The following KIRREL3 variants were observed in gnomAD, a reference collection of about 807,000 sequenced individuals.
The protein encoded by KIRREL3 is kin of IRRE-like protein 3.
Under a neutral mutation model 89.7 loss-of-function variants are expected in KIRREL3, and 36 were observed. That is an observed-to-expected ratio of 0.40 (90% CI 0.31 to 0.53). The LOEUF is 0.53. Ranked by LOEUF, KIRREL3 falls within the 20% of genes least tolerant of loss-of-function variation. The probability of loss-of-function intolerance (pLI) is 0.49; values close to 1 mark genes in which losing one functional copy is unlikely to be tolerated. For missense variants in KIRREL3, 864 were observed against 1,056.6 expected (o/e 0.82, Z 2.53); for synonymous variants, 445 against 441.4 (o/e 1.01, Z -0.10).
At chr11:126,935,664 T>C (rs1231458927) in intron 1 of KIRREL3, 1 of 152,198 alleles carries the variant, frequency 6.6e-6, no homozygotes, top group Non-Finnish European at 1.5e-5. Context: ...AACTAGATGA[T>C]ATTCTGGAAA....
At position 126,431,047 on chromosome 11, in the gene KIRREL3, GT is replaced by G. The variant is rs1955108387; in HGVS notation, c.1696+371del. The G allele has an allele frequency of 2.4e-6, 3 of 1,243,170 alleles. No individual in the cohort carries two copies. The African/African-American group carries it at 4.5e-5, about 19-fold the overall frequency. 77.0% of individuals were successfully genotyped at this position (1,243,170 alleles called of 1,614,324 possible). ...ACTAGCAGCTCTTTATTTTTATTTTGTTGTAGAGATGGGGTCTCTCTAGACT... is the reference window on the plus strand; with the variant it reads ...ACTAGCAGCTCTTTATTTTTATTTTGTGTAGAGATGGGGTCTCTCTAGACT... On this transcript the variant is annotated intron_variant, in intron 14 of 16. Coordinates refer to ENST00000525144, the MANE Select transcript of KIRREL3 (RefSeq NM_032531.4). This position sits in a 1 kb window ranked among gnomAD's most constrained non-coding sequence, Gnocchi z 7.1.
chr11:126,662,941 G>C (rs1202943415), intron 1 of KIRREL3, among the ~76,000 whole-genome samples: 1 of 88,380 alleles, frequency 1.1e-5, no homozygotes, highest in Non-Finnish European at 2.1e-5. Flanking sequence ...CCATCTCTCT[G>C]ATTCTTACTC....
rs541447293 is a variant in KIRREL3 at position 126,513,435 on chromosome 11, G to T, written c.433+7880C>A. ...CCTTGCATCAGGTCTTCTCCTTCTT[G>T]GAGAGGCTCCTGCCTGCCCTTCTCC... On this transcript the variant is annotated intron_variant, in intron 4 of 16. Transcript: ENST00000525144. This position sits in a 1 kb window ranked among gnomAD's most constrained non-coding sequence, Gnocchi z 5.9. 6.6e-6 allele frequency among the ~76,000 whole-genome samples: 1 copy of T among 152,238 alleles called. No homozygotes were observed. The highest frequency in any genetic ancestry group is 2.1e-4 in the South Asian group (1 of 4,826).
chr11:126,498,450 T>G lies in KIRREL3; in HGVS notation c.433+22865A>C, dbSNP rs1403076352. On this transcript the variant is annotated intron_variant, in intron 4 of 16. Coordinates refer to ENST00000525144, the MANE Select transcript of KIRREL3 (RefSeq NM_032531.4). The surrounding 1 kb of genome is among the most constrained non-coding windows in gnomAD (Gnocchi z 4.3). ...TGTATCAGGAAAGACCTGCTGCTAATTGTCGCTAGGCATCACACTATCCTG... is the reference window on the plus strand; with the variant it reads ...TGTATCAGGAAAGACCTGCTGCTAAGTGTCGCTAGGCATCACACTATCCTG... Among the ~76,000 whole-genome samples the G allele has an allele frequency of 6.6e-6, 1 of 152,170 alleles. No homozygotes were observed. The highest frequency in any genetic ancestry group is 1.9e-4 in the East Asian group (1 of 5,190).
chr11:126,507,155 T>C (rs145282425), intron 4 of KIRREL3, among the ~76,000 whole-genome samples: 57 of 152,296 alleles, frequency 3.7e-4, no homozygotes, highest in African/African-American at 1.3e-3. Flanking sequence ...ATACCATATA[T>C]CCAGAAAAGC....
chr11:126,704,072 A>T lies in KIRREL3; in HGVS notation c.56-141160T>A, dbSNP rs1268258690. On this transcript the variant is annotated intron_variant, in intron 1 of 16. Transcript: ENST00000525144. This position sits in a 1 kb window ranked among gnomAD's most constrained non-coding sequence, Gnocchi z 4.2. ...TATTTATATACACTCACACAATTAG[A>T]TATAACTATATTCACACATAGACAC... Among the ~76,000 whole-genome samples, 2 of 152,170 alleles carry T rather than the reference A, an allele frequency of 1.3e-5. No homozygotes were observed. The highest frequency in any genetic ancestry group is 4.8e-5 in the African/African-American group (2 of 41,432).
At chr11:126,717,506 G>C (rs1420225193) in intron 1 of KIRREL3, among the ~76,000 whole-genome samples, 3 of 152,182 alleles carry the variant, frequency 2.0e-5, no homozygotes, top group Non-Finnish European at 4.4e-5. Context: ...GCGGGGAACT[G>C]TTCCTTGTAG....
Position 126,608,567 on chromosome 11 carries a change from C to T in KIRREL3, c.56-45655G>A, listed in dbSNP as rs937994785. Among the ~76,000 whole-genome samples, 20 of 152,048 alleles carry T rather than the reference C, an allele frequency of 1.3e-4. No homozygotes were observed. Among genetic ancestry groups the T allele is most frequent in the African/African-American group, 4.8e-4 (20 of 41,324 alleles). On this transcript the variant is annotated intron_variant, in intron 1 of 16. Coordinates refer to ENST00000525144, the MANE Select transcript of KIRREL3 (RefSeq NM_032531.4). This position sits in a 1 kb window ranked among gnomAD's most constrained non-coding sequence, Gnocchi z 4.9. ...TCCCTCCTCTCCCCTCCCCAAATGG[C>T]TCCCTTAATCACGAGCTGCTTTCTT...
In KIRREL3 at chr11:126,455,656, C is replaced by T. The variant is rs565808444; in HGVS notation, c.848+693G>A. ...ACAAAAAAAAAAAAAAATTAGCTGG[C>T]GTGGTGGCGGGCGCCTGTAGTCCCA... On this transcript the variant is annotated intron_variant, in intron 7 of 16. Coordinates refer to ENST00000525144, the MANE Select transcript of KIRREL3 (RefSeq NM_032531.4). This position sits in a 1 kb window ranked among gnomAD's most constrained non-coding sequence, Gnocchi z 6.4. 6.4e-4 allele frequency among the ~76,000 whole-genome samples: 96 copies of T among 150,494 alleles called. No individual in the cohort carries two copies. Among genetic ancestry groups the T allele is most frequent in the African/African-American group, 2.1e-3 (87 of 40,966 alleles).
At chr11:126,735,536 A>C (rs891166654) in intron 1 of KIRREL3, among the ~76,000 whole-genome samples, 1 of 152,232 alleles carries the variant, frequency 6.6e-6, no homozygotes, top group Non-Finnish European at 1.5e-5. Context: ...GGCAGCCCAG[A>C]CCAGGGATAT....
chr11:126,568,947 G>A lies in KIRREL3; in HGVS notation c.56-6035C>T, dbSNP rs1329776594. ...TTCCCAGGTTAGCACGTAGCCAACA[G>A]TGACATGGACTGGAAATGTGAGGCC... is the stretch of plus-strand genomic sequence containing the variant. On this transcript the variant is annotated intron_variant, in intron 1 of 16. Coordinates refer to ENST00000525144, the MANE Select transcript of KIRREL3 (RefSeq NM_032531.4). This position sits in a 1 kb window ranked among gnomAD's most constrained non-coding sequence, Gnocchi z 4.6. Among the ~76,000 whole-genome samples the A allele has an allele frequency of 1.3e-5, 2 of 152,096 alleles. No homozygotes were observed. Among genetic ancestry groups the A allele is most frequent in the African/African-American group, 2.4e-5 (1 of 41,420 alleles).
intron 1 of KIRREL3, among the ~76,000 whole-genome samples, chr11:126,984,055 C>T (rs553831958): frequency 1.1e-4 from 16 of 152,186 alleles, no homozygotes; most frequent in East Asian, 1.9e-4. Context: ...AAAACTTGCA[C>T]GCCCAGAAAG....
rs947100969 is a variant in KIRREL3 at position 126,993,187 on chromosome 11, G to A, written c.55+7268C>T. Among the ~76,000 whole-genome samples, 6 of 152,136 alleles carry A rather than the reference G, an allele frequency of 3.9e-5. No homozygotes were observed. Among genetic ancestry groups the A allele is most frequent in the South Asian group, 2.1e-4 (1 of 4,822 alleles). Reference sequence around the variant, plus strand: ...ATGTAGAGAGGACCACAAACCCATAGGCTACTAGCAATGTTTCTCAGGTGT... The same window carrying A: ...ATGTAGAGAGGACCACAAACCCATAAGCTACTAGCAATGTTTCTCAGGTGT... On this transcript the variant is annotated intron_variant, in intron 1 of 16. Coordinates refer to ENST00000525144, the MANE Select transcript of KIRREL3 (RefSeq NM_032531.4). The surrounding 1 kb of genome is among the most constrained non-coding windows in gnomAD (Gnocchi z 6.1).
rs889629287 is a variant in KIRREL3, at chr11:126,991,843, T to A, written c.55+8612A>T. 4.6e-5 allele frequency among the ~76,000 whole-genome samples: 7 copies of A among 152,208 alleles called. No homozygotes were observed. Among genetic ancestry groups the A allele is most frequent in the Non-Finnish European group, 1.0e-4 (7 of 68,048 alleles). On this transcript the variant is annotated intron_variant, in intron 1 of 16. Coordinates refer to ENST00000525144, the MANE Select transcript of KIRREL3 (RefSeq NM_032531.4). This position sits in a 1 kb window ranked among gnomAD's most constrained non-coding sequence, Gnocchi z 5.8. ...GATACTCTCCTGCATTTTTTAGTGT[T>A]GATGTGGAACAGCTGGATGTACCAG...
At chr11:126,661,130 A>G (rs994868016) in intron 1 of KIRREL3, among the ~76,000 whole-genome samples, 3 of 152,238 alleles carry the variant, frequency 2.0e-5, no homozygotes, top group African/African-American at 7.2e-5. Flanking sequence ...AGAAAGCACA[A>G]TGTTGTAACT....
chr11:126,450,262 TG>T (rs373580520), intron 7 of KIRREL3, among the ~76,000 whole-genome samples: 68 of 152,044 alleles, frequency 4.5e-4, no homozygotes, highest in Non-Finnish European at 7.7e-4. Flanking sequence ...TGAGTGTGCC[TG>T]TGTGTGCATG....
At chr11:126,915,051 G>A (rs181926782) in intron 1 of KIRREL3, among the ~76,000 whole-genome samples, 14 of 152,220 alleles carry the variant, frequency 9.2e-5, no homozygotes, top group Non-Finnish European at 1.9e-4. Context: ...TTCTGGCTTT[G>A]GGAGAAGAGA....
rs938476149 is a variant in KIRREL3, at chr11:126,719,237, A to G, written c.56-156325T>C. Among the ~76,000 whole-genome samples the G allele has an allele frequency of 2.0e-5, 3 of 152,130 alleles. No homozygotes were observed. Among genetic ancestry groups the G allele is most frequent in the Non-Finnish European group, 2.9e-5 (2 of 68,030 alleles). On this transcript the variant is annotated intron_variant, in intron 1 of 16. Transcript: ENST00000525144. The surrounding 1 kb of genome is among the most constrained non-coding windows in gnomAD (Gnocchi z 4.7). ...TGAAACGGCTTCTTCCTAAATTACCAATGACTCCATGTTGACAAATCCAAT... is the reference window on the plus strand; with the variant it reads ...TGAAACGGCTTCTTCCTAAATTACCGATGACTCCATGTTGACAAATCCAAT...
Position 126,696,221 on chromosome 11 carries a change from C to T in KIRREL3, c.56-133309G>A, listed in dbSNP as rs1431752038. ...GCAGTGAGCCAACATCCCGCCACTC[C>T]ACTCCAGCCTGGGCCACTGAGCGAG... is the stretch of plus-strand genomic sequence containing the variant. On this transcript the variant is annotated intron_variant, in intron 1 of 16. Transcript: ENST00000525144. This position sits in a 1 kb window ranked among gnomAD's most constrained non-coding sequence, Gnocchi z 4.4. 2.0e-5 allele frequency among the ~76,000 whole-genome samples: 3 copies of T among 151,608 alleles called. No homozygotes were observed. The highest frequency in any genetic ancestry group is 7.3e-5 in the African/African-American group (3 of 41,240).
Sources: gnomAD v4.1 joint callset for allele counts (sites outside exome capture counted in the v4.1 genomes callset) on GRCh38, gnomAD v4.1.1 for gene constraint, Gnocchi (gnomAD v3.1) non-coding constraint, MANE v1.5 for transcripts, NCBI Gene and HGNC (gene_info 2026-07-23, HGNC 2026-07-21) for gene names.